Variants in TMCO4 observed in about 807,000 individuals in gnomAD.
The protein encoded by TMCO4 is transmembrane and coiled-coil domains 4.
TMCO4 carries 58 observed loss-of-function variants against 64.7 expected under a neutral mutation model. That is an observed-to-expected ratio of 0.90 (90% CI 0.73 to 1.12). The LOEUF is 1.12. TMCO4 is among the 50% of genes most tolerant of loss of function. The probability of loss-of-function intolerance (pLI) is 0.00; values close to 1 mark genes in which losing one functional copy is unlikely to be tolerated. For synonymous variants in TMCO4, 325 were observed against 346.1 expected (o/e 0.94, Z 0.68); for missense variants, 780 against 825.9 (o/e 0.94, Z 0.68).
intron 3 of TMCO4, 75 bp from the exon 4 acceptor site, chr1:19,780,841 C>T: frequency 3.9e-6 from 5 of 1,273,242 alleles, no homozygotes; most frequent in Non-Finnish European, 5.3e-6. Context: ...ACAGAACTTA[C>T]AAACCATAAA....
intron 15 of TMCO4, among the ~76,000 whole-genome samples, chr1:19,685,731 T>TTTTTTTTTA (rs1491218881): frequency 4.1e-5 from 5 of 121,552 alleles, no homozygotes; most frequent in Non-Finnish European, 6.7e-5. Flanking sequence ...TTTTTTTTTT[T>TTTTTTTTTA]GAGACAGAGT....
intron 6 of TMCO4, among the ~76,000 whole-genome samples, chr1:19,767,155 C>T (rs2042773690): frequency 6.6e-6 from 1 of 152,204 alleles, no homozygotes; most frequent in Non-Finnish European, 1.5e-5. Flanking sequence ...TGACTAACAG[C>T]AGTTGTTTTA....
At chr1:19,775,366 C>T (rs548239220) in intron 4 of TMCO4, among the ~76,000 whole-genome samples, 3 of 152,288 alleles carry the variant, frequency 2.0e-5, no homozygotes, top group South Asian at 2.1e-4. Context: ...CATGAGGCAC[C>T]GCGCCTGGCC....
rs2041635207 is a variant in TMCO4 at position 19,743,697 on chromosome 1, C to T, written c.877+1835G>A. On this transcript the variant is annotated intron_variant, in intron 10 of 15. Transcript: ENST00000294543. This position sits in a 1 kb window ranked among gnomAD's most constrained non-coding sequence, Gnocchi z 4.1. ...CCATGCCGGCCAGACTTGCAAATTC[C>T]TTTACCTGGGCTCTTGTTCTTGCTC... Among the ~76,000 whole-genome samples, 1 of 152,186 alleles carries T rather than the reference C, an allele frequency of 6.6e-6. No homozygotes were observed. The highest frequency in any genetic ancestry group is 2.1e-4 in the South Asian group (1 of 4,832).
Position 19,729,158 on chromosome 1 carries a change from G to GT in TMCO4, c.1264+8213dup, listed in dbSNP as rs200340296. On this transcript the variant is annotated intron_variant, in intron 13 of 15. Coordinates refer to ENST00000294543, the MANE Select transcript of TMCO4 (RefSeq NM_181719.7). ...GGTGACTACAGTCAATAATAATTTT[G>GT]TTTTTTTTTGAGACAGAATCTTGCT... 8.1e-3 allele frequency among the ~76,000 whole-genome samples: 1,215 copies of GT among 150,404 alleles called. 12 individuals are homozygous for GT. Among genetic ancestry groups the GT allele is most frequent in the African/African-American group, 0.027 (1,123 of 40,988 alleles).
chr1:19,745,334 G>T, intron 10 of TMCO4, 198 bp downstream of exon 10: 2 of 795,268 alleles, frequency 2.5e-6, no homozygotes, highest in Non-Finnish European at 3.9e-6. Flanking sequence ...GTGGGTAGGT[G>T]GATAGATGGA....
intron 10 of TMCO4, 132 bp from the exon 11 acceptor site, chr1:19,741,073 A>G: frequency 1.1e-6 from 1 of 950,488 alleles, no homozygotes; most frequent in Non-Finnish European, 1.5e-6. Flanking sequence ...CCTGCCAATG[A>G]GTGGCAGCTG....
At position 19,735,059 on chromosome 1, in the gene TMCO4, G is replaced by C. The variant is rs12049562; in HGVS notation, c.1264+2313C>G. Among the ~76,000 whole-genome samples the C allele has an allele frequency of 3.3e-5, 5 of 152,236 alleles. No individual in the cohort carries two copies. In the East Asian group the frequency reaches 9.7e-4, roughly 29 times the overall value. Reference sequence around the variant, plus strand: ...GCACTGGGCACTGTGCTGGGCACTAGGGGGGCGGCAGGGCTCAAGGCAGAC... The same window carrying C: ...GCACTGGGCACTGTGCTGGGCACTACGGGGGCGGCAGGGCTCAAGGCAGAC... On this transcript the variant is annotated intron_variant, in intron 13 of 15. Coordinates refer to ENST00000294543, the MANE Select transcript of TMCO4 (RefSeq NM_181719.7).
intron 6 of TMCO4, among the ~76,000 whole-genome samples, chr1:19,759,611 A>G (rs1180982787): frequency 6.6e-6 from 1 of 151,984 alleles, no homozygotes; most frequent in Non-Finnish European, 1.5e-5. Context: ...GGGCCTTTGC[A>G]CTCGCTGTTC....
intron 15 of TMCO4, among the ~76,000 whole-genome samples, chr1:19,688,389 A>G (rs950739676): frequency 1.3e-5 from 2 of 151,922 alleles, no homozygotes; most frequent in Non-Finnish European, 2.9e-5. Context: ...AGACACCCCA[A>G]CTTACCCAAA....
At chr1:19,742,776 C>T (rs2095485400) in intron 10 of TMCO4, among the ~76,000 whole-genome samples, 2 of 152,120 alleles carry the variant, frequency 1.3e-5, no homozygotes, top group Admixed American at 6.5e-5. Flanking sequence ...GTGGGGATCA[C>T]AGGAGATGCT....
Position 19,732,718 on chromosome 1 carries a change from C to G in TMCO4, c.1264+4654G>C, listed in dbSNP as rs941570168. Among the ~76,000 whole-genome samples, 2 of 151,628 alleles carry G rather than the reference C, an allele frequency of 1.3e-5. No individual in the cohort carries two copies. The highest frequency in any genetic ancestry group is 4.8e-5 in the African/African-American group (2 of 41,308). ...CCAGCCTCGGCAACACAGGGAGACCCTGTCTTTAAAAAAATGAAGAATGTG... is the reference window on the plus strand; with the variant it reads ...CCAGCCTCGGCAACACAGGGAGACCGTGTCTTTAAAAAAATGAAGAATGTG... On this transcript the variant is annotated intron_variant, in intron 13 of 15. Transcript: ENST00000294543. The surrounding 1 kb of genome is among the most constrained non-coding windows in gnomAD (Gnocchi z 4.8).
intron 15 of TMCO4, among the ~76,000 whole-genome samples, chr1:19,690,014 T>C (rs976696069): frequency 1.3e-5 from 2 of 152,348 alleles, no homozygotes; most frequent in African/African-American, 2.4e-5. Flanking sequence ...AGAACTTCTG[T>C]TCCTGTTTGC....
In TMCO4 at chr1:19,746,325, G is replaced by C. The variant is rs978734223; in HGVS notation, c.757+131C>G. 10 of 1,374,096 alleles carry C rather than the reference G, an allele frequency of 7.3e-6. No homozygotes were observed. The African/African-American group carries it at 8.8e-5, about 12-fold the overall frequency. The allele number at this position is 1,374,096 out of a possible 1,614,324, so 85.1% of individuals were successfully genotyped here. A position where few individuals can be genotyped will look rare whatever the true frequency, so the allele number is the denominator to read the frequency against. On this transcript the variant is annotated intron_variant, in intron 9 of 15. Coordinates refer to ENST00000294543, the MANE Select transcript of TMCO4 (RefSeq NM_181719.7). ...CGAGCTCTGGGAAGGCTGGGACCCAGAGTGAGAAAAGCCACGTCTCCTCTG... is the reference window on the plus strand; with the variant it reads ...CGAGCTCTGGGAAGGCTGGGACCCACAGTGAGAAAAGCCACGTCTCCTCTG...
At chr1:19,793,742 G>C (rs1385279199) in intron 2 of TMCO4, among the ~76,000 whole-genome samples, 1 of 152,174 alleles carries the variant, frequency 6.6e-6, no homozygotes, top group Non-Finnish European at 1.5e-5. Context: ...AGGAGGGTGG[G>C]GTGACAGTGC....
chr1:19,775,767 T>G (rs1362921844), intron 4 of TMCO4, among the ~76,000 whole-genome samples: 1 of 152,230 alleles, frequency 6.6e-6, no homozygotes, highest in Non-Finnish European at 1.5e-5. Context: ...GCATCTGTGA[T>G]GTTCACAGCA....
intron 4 of TMCO4, among the ~76,000 whole-genome samples, chr1:19,775,527 C>A (rs2043169395): frequency 1.3e-5 from 2 of 152,254 alleles, no homozygotes; most frequent in South Asian, 2.1e-4. Flanking sequence ...ATCTTGCCTG[C>A]AGCCCTTATT....
intron 13 of TMCO4, among the ~76,000 whole-genome samples, chr1:19,701,391 C>T (rs1216502790): frequency 1.3e-5 from 2 of 152,170 alleles, no homozygotes; most frequent in African/African-American, 4.8e-5. Context: ...AGTCTGGTCT[C>T]CAACTCCTGA....
At chr1:19,726,943 C>T (rs891308810) in intron 13 of TMCO4, among the ~76,000 whole-genome samples, 4 of 152,238 alleles carry the variant, frequency 2.6e-5, no homozygotes, top group Non-Finnish European at 5.9e-5. Flanking sequence ...CTTCCCCCTC[C>T]TGTGGGGTGC....
Sources: gnomAD v4.1 joint callset for allele counts (sites outside exome capture counted in the v4.1 genomes callset) on GRCh38, gnomAD v4.1.1 for gene constraint, Gnocchi (gnomAD v3.1) non-coding constraint, MANE v1.5 for transcripts, NCBI Gene and HGNC (gene_info 2026-07-23, HGNC 2026-07-21) for gene names.